The following CLSTN2 variants were observed in gnomAD, a reference collection of about 807,000 sequenced individuals.
The protein encoded by CLSTN2 is calsyntenin-2.
Under a neutral mutation model 101.2 loss-of-function variants are expected in CLSTN2, and 48 were observed. The observed-to-expected ratio is 0.47, with a 90% CI of 0.38 to 0.60. The LOEUF is 0.60. Among genes scored for constraint, CLSTN2 ranks in the 20% least tolerant of loss-of-function variants. The pLI, the probability that CLSTN2 is intolerant of heterozygous loss-of-function variation, is 0.00. For missense variants in CLSTN2, 1,160 were observed against 1,238.2 expected (o/e 0.94, Z 0.95); for synonymous variants, 481 against 463.6 (o/e 1.04, Z -0.48).
chr3:140,285,490 T>C (rs2086887773), intron 2 of CLSTN2, among the ~76,000 whole-genome samples: 1 of 152,120 alleles, frequency 6.6e-6, no homozygotes, highest in Non-Finnish European at 1.5e-5. Flanking sequence ...GTGGGAGTTC[T>C]GGGGTGCAGC....
chr3:140,268,989 G>C (rs1416064320), intron 2 of CLSTN2, among the ~76,000 whole-genome samples: 2 of 152,174 alleles, frequency 1.3e-5, no homozygotes, highest in Admixed American at 6.5e-5. Context: ...GTAGAGATTT[G>C]TTTATTAATT....
chr3:140,077,132 C>T (rs1233612017), intron 1 of CLSTN2, among the ~76,000 whole-genome samples: 1 of 152,120 alleles, frequency 6.6e-6, no homozygotes, highest in Non-Finnish European at 1.5e-5. Context: ...TAGAAACAAA[C>T]AAGCAAAAAA....
intron 1 of CLSTN2, among the ~76,000 whole-genome samples, chr3:139,998,649 T>C (rs1439256923): frequency 6.6e-6 from 1 of 152,108 alleles, no homozygotes; most frequent in Non-Finnish European, 1.5e-5. Context: ...TGGCCACTTT[T>C]AGGAGAGTTC....
intron 8 of CLSTN2, among the ~76,000 whole-genome samples, chr3:140,490,839 T>C (rs1465325051): frequency 1.3e-5 from 2 of 152,164 alleles, no homozygotes; most frequent in African/African-American, 4.8e-5. Flanking sequence ...TGCCCACATG[T>C]AGCCAGGAAG....
chr3:140,416,072 G>A (rs939818218), intron 4 of CLSTN2, among the ~76,000 whole-genome samples: 2 of 152,252 alleles, frequency 1.3e-5, no homozygotes, highest in Admixed American at 6.5e-5. Flanking sequence ...GGATGAACCC[G>A]AAGGACGTTA....
chr3:140,392,079 G>A (rs899176034), intron 2 of CLSTN2, among the ~76,000 whole-genome samples: 3 of 151,984 alleles, frequency 2.0e-5, no homozygotes, highest in African/African-American at 4.8e-5. Context: ...ATTGTAGAGT[G>A]TATCCTCTTT....
chr3:140,457,635 A>T (rs963345077), intron 6 of CLSTN2, among the ~76,000 whole-genome samples: 1 of 152,350 alleles, frequency 6.6e-6, no homozygotes, highest in East Asian at 1.9e-4. Context: ...AGTTAGCAGC[A>T]GGGGGTGAGA....
At chr3:140,126,450 T>A (rs2107801848) in intron 1 of CLSTN2, among the ~76,000 whole-genome samples, 1 of 151,474 alleles carries the variant, frequency 6.6e-6, no homozygotes, top group East Asian at 2.0e-4. Flanking sequence ...CCTAGAAGAG[T>A]TTTGCACATA....
intron 1 of CLSTN2, among the ~76,000 whole-genome samples, chr3:140,083,774 T>C (rs2008635871): frequency 6.6e-6 from 1 of 152,178 alleles, no homozygotes; most frequent in Non-Finnish European, 1.5e-5. Flanking sequence ...ACAGTTCTGG[T>C]GGTAGTGCAG....
rs79319164 is a variant in CLSTN2, at chr3:140,160,519, A to G, written c.110-15432A>G. ...GACTTTTCCTCCTGAGACATTCTCA[A>G]TTTCATGGAATTCTATAGCATTTTT... On this transcript the variant is annotated intron_variant, in intron 1 of 16. Transcript: ENST00000458420. 2.5e-3 allele frequency among the ~76,000 whole-genome samples: 378 copies of G among 152,184 alleles called. 2 individuals carry two copies. Among genetic ancestry groups the G allele is most frequent in the Middle Eastern group, 0.01 (3 of 294 alleles).
Position 140,267,352 on chromosome 3 carries a change from G to A in CLSTN2, c.232+91279G>A, listed in dbSNP as rs548736078. On this transcript the variant is annotated intron_variant, in intron 2 of 16. Coordinates refer to ENST00000458420, the MANE Select transcript of CLSTN2 (RefSeq NM_022131.3). ...CCACTCTCTAAAACTACTCTGTAAG[G>A]TGTCTCTGATGTAGAATGCCTCTGT... is the stretch of plus-strand genomic sequence containing the variant. Among the ~76,000 whole-genome samples, 36 of 152,242 alleles carry A rather than the reference G, an allele frequency of 2.4e-4. No individual in the cohort carries two copies. The South Asian group carries it at 7.3e-3, about 31-fold the overall frequency.
Position 140,167,668 on chromosome 3 carries a change from C to T in CLSTN2, c.110-8283C>T, listed in dbSNP as rs117449107. ...CAATCAAGATACAGAATGGTTTCAT[C>T]GTCTCAGAACATTCCCTTGTTCCCC... is the stretch of plus-strand genomic sequence containing the variant. On this transcript the variant is annotated intron_variant, in intron 1 of 16. Coordinates refer to ENST00000458420, the MANE Select transcript of CLSTN2 (RefSeq NM_022131.3). 6.9e-4 allele frequency among the ~76,000 whole-genome samples: 105 copies of T among 152,278 alleles called. No individual in the cohort carries two copies. In the East Asian group the frequency reaches 0.017, roughly 25 times the overall value.
chr3:140,550,422 TG>T (rs1413011272), intron 10 of CLSTN2, among the ~76,000 whole-genome samples: 1 of 151,524 alleles, frequency 6.6e-6, no homozygotes, highest in Non-Finnish European at 1.5e-5. Context: ...CACTTGTCAT[TG>T]GGGCAAGCTC....
intron 6 of CLSTN2, among the ~76,000 whole-genome samples, chr3:140,459,187 C>G (rs575655848): frequency 6.6e-6 from 1 of 152,192 alleles, no homozygotes; most frequent in South Asian, 2.1e-4. Flanking sequence ...CCATCCAAAT[C>G]AAATCCTGGC....
Position 140,566,146 on chromosome 3 carries a change from G to A in CLSTN2, c.2761G>A (p.Asp921Asn), listed in dbSNP as rs1314457372. ...AATGAGCTCCAGCAGTGGCTCTGAC[G>A]ACAGCGAAGAGGAGGAGGAGGAGGA... ...EEMSSSSGSDDSEEEEEEEGM... is the reference protein window; with the variant it reads ...EEMSSSSGSDNSEEEEEEEGM... Residue 921 changes from aspartate to asparagine, a missense_variant, in exon 17 of 17, where the codon GAC (aspartate) becomes AAC (asparagine). Transcript: ENST00000458420. The A allele has an allele frequency of 1.2e-5, 19 of 1,612,496 alleles. No individual in the cohort carries two copies. The East Asian group carries it at 1.6e-4, about 13-fold the overall frequency.
At position 140,566,357 on chromosome 3, in the gene CLSTN2, G is replaced by A; in HGVS notation, c.*104G>A. 2 of 1,200,268 alleles carry A rather than the reference G, an allele frequency of 1.7e-6. No individual in the cohort carries two copies. Among genetic ancestry groups the A allele is most frequent in the Non-Finnish European group, 2.4e-6 (2 of 842,968 alleles). 74.4% of individuals were successfully genotyped at this position (1,200,268 alleles called of 1,614,324 possible). A position where few individuals can be genotyped will look rare whatever the true frequency, so the allele number is the denominator to read the frequency against. ...CACCTCTGATGTCTGTGACATGTCTGGGAAGGCCTTCTCCAGCTTCCTGGA... is the reference window on the plus strand; with the variant it reads ...CACCTCTGATGTCTGTGACATGTCTAGGAAGGCCTTCTCCAGCTTCCTGGA... On this transcript the variant is annotated 3_prime_UTR_variant, in exon 17 of 17. Transcript: ENST00000458420.
chr3:140,078,612 C>A (rs1034977668), intron 1 of CLSTN2, among the ~76,000 whole-genome samples: 1 of 152,186 alleles, frequency 6.6e-6, no homozygotes, highest in Non-Finnish European at 1.5e-5. Context: ...GCGGGAGTGA[C>A]AGCGTGGTGA....
chr3:139,937,253 G>A (rs1057397562), intron 1 of CLSTN2, among the ~76,000 whole-genome samples: 1 of 152,166 alleles, frequency 6.6e-6, no homozygotes, highest in African/African-American at 2.4e-5. Context: ...TCTGGTGTGA[G>A]TAGTAATAAT....
chr3:140,386,669 T>TGAG (rs2088054941), intron 2 of CLSTN2, among the ~76,000 whole-genome samples: 1 of 152,118 alleles, frequency 6.6e-6, no homozygotes, highest in Non-Finnish European at 1.5e-5. Flanking sequence ...TGAGCCATGC[T>TGAG]CTGTCTCCCC....
Sources: gnomAD v4.1 joint callset for allele counts (sites outside exome capture counted in the v4.1 genomes callset) on GRCh38, gnomAD v4.1.1 for gene constraint, MANE v1.5 for transcripts, NCBI Gene and HGNC (gene_info 2026-07-23, HGNC 2026-07-21) for gene names.